DUSP16: variants seen among roughly 807,000 people sequenced by gnomAD.
DUSP16 encodes dual specificity phosphatase 16, also known as dual specificity protein phosphatase 16.
In DUSP16, 21 loss-of-function variants were observed where a neutral mutation model predicts 58.3. The ratio of observed to expected loss-of-function variants is 0.36; its 90% CI spans 0.26 to 0.52. DUSP16 has a LOEUF of 0.52. Ranked by LOEUF, DUSP16 falls within the 20% of genes least tolerant of loss-of-function variation. The probability of loss-of-function intolerance (pLI) is 0.94; values close to 1 mark genes in which losing one functional copy is unlikely to be tolerated. For synonymous variants in DUSP16, 320 were observed against 323.8 expected, an observed-to-expected ratio of 0.99 and a Z score of 0.12; for missense variants, 726 against 819.0, an observed-to-expected ratio of 0.89 and a Z score of 1.39.
intron 1 of DUSP16, among the ~76,000 whole-genome samples, chr12:12,523,246 C>T (rs890861832): frequency 1.8e-4 from 27 of 152,240 alleles, no homozygotes; most frequent in African/African-American, 5.3e-4. Context: ...CAAATTTGGT[C>T]TGAGAACAAA....
chr12:12,516,235 G>C (rs1944151334), intron 3 of DUSP16, among the ~76,000 whole-genome samples: 1 of 151,994 alleles, frequency 6.6e-6, no homozygotes, highest in Non-Finnish European at 1.5e-5. Context: ...GAACTCCTGG[G>C]CTCAAGCAAT....
intron 1 of DUSP16, among the ~76,000 whole-genome samples, chr12:12,528,829 G>GA (rs1324933857): frequency 1.3e-5 from 2 of 148,194 alleles, no homozygotes; most frequent in East Asian, 1.9e-4. Flanking sequence ...GAACTAGGGA[G>GA]AAAAAATAGA....
intron 1 of DUSP16, among the ~76,000 whole-genome samples, chr12:12,527,645 A>C (rs1944324950): frequency 6.6e-6 from 1 of 152,348 alleles, no homozygotes; most frequent in East Asian, 1.9e-4. Flanking sequence ...AGTATAAAAC[A>C]AAGTAAAACT....
At chr12:12,478,224 C>A (rs950072478) in intron 6 of DUSP16, among the ~76,000 whole-genome samples, 1 of 152,166 alleles carries the variant, frequency 6.6e-6, no homozygotes, top group Middle Eastern at 3.4e-3. Flanking sequence ...TGGAGTATGC[C>A]AGAAGAGGCA....
At position 12,477,257 on chromosome 12, in the gene DUSP16, T is replaced by G; in HGVS notation, c.1574A>C (p.Gln525Pro). The G allele has an allele frequency of 6.2e-7, 1 of 1,614,238 alleles. No homozygotes were observed. Among genetic ancestry groups the G allele is most frequent in the Non-Finnish European group, 8.5e-7 (1 of 1,180,050 alleles). ...GCCAGCAGACTTCGTGAGGTGCTGC[T>G]GGCTGGTGGAAAGGCCGAAAAGGAA... Reference protein sequence around the residue: ...TSFLFGLSTSQQHLTKSAGLG... With the variant: ...TSFLFGLSTSPQHLTKSAGLG... The change falls in exon 7 of 7, where the codon CAG becomes CCG. Residue 525 changes from glutamine to proline, a missense_variant. Gln to Pro is a moderately conservative substitution (Grantham distance 76). Coordinates refer to ENST00000298573, the MANE Select transcript of DUSP16 (RefSeq NM_030640.3). The surrounding 1 kb of genome is among the most constrained non-coding windows in gnomAD (Gnocchi z 4.1).
At chr12:12,494,748 G>T (rs980505640) in intron 4 of DUSP16, among the ~76,000 whole-genome samples, 2 of 152,150 alleles carry the variant, frequency 1.3e-5, no homozygotes, top group South Asian at 4.1e-4. Flanking sequence ...GAGAACAGGA[G>T]AGGTAAGAAC....
intron 1 of DUSP16, among the ~76,000 whole-genome samples, chr12:12,547,447 C>A (rs199561603): frequency 0.16 from 10,385 of 65,784 alleles, 1,007 homozygotes; most frequent in African/African-American, 0.32. Flanking sequence ...AACAAACAAA[C>A]AAAAAAAAGC....
At position 12,520,023 on chromosome 12, in the gene DUSP16, G is replaced by T. The variant is rs777312429; in HGVS notation, c.229-23C>A. On this transcript the variant is annotated intron_variant, in intron 2 of 6. Coordinates refer to ENST00000298573, the MANE Select transcript of DUSP16 (RefSeq NM_030640.3). The stretch of plus-strand genomic sequence containing the variant: ...AACCTGAAATGCAAACATGAGGCTT[G>T]TTAGGAAGAAGGTGAGAAAAGTAAT... 7 of 1,613,578 alleles carry T rather than the reference G, an allele frequency of 4.3e-6. No individual in the cohort carries two copies. In the South Asian group the frequency reaches 7.7e-5, roughly 18 times the overall value.
In DUSP16 at chr12:12,520,880, C is replaced by T. The variant is rs777073328; in HGVS notation, c.219G>A (p.Ala73=). Residue 73 remains alanine, a synonymous_variant, in exon 2 of 7, where the codon GCG becomes GCA. Coordinates refer to ENST00000298573, the MANE Select transcript of DUSP16 (RefSeq NM_030640.3). ...VLITELIQHS[A]KHKVDIDCSQ... is the part of the protein sequence containing the mutation. ...AAAGGAAAGCGTTTACCTTATGTTTCGCTGAATGCTGGATGAGCTCTGTAA... is the reference window on the plus strand; with the variant it reads ...AAAGGAAAGCGTTTACCTTATGTTTTGCTGAATGCTGGATGAGCTCTGTAA... 9.9e-6 allele frequency: 16 copies of T among 1,614,048 alleles called. No homozygotes were observed. Among genetic ancestry groups the T allele is most frequent in the South Asian group, 7.7e-5 (7 of 91,084 alleles).
Position 12,474,466 on chromosome 12 carries a change from CCT to C in DUSP16, c.*2365_*2366del, listed in dbSNP as rs944529668. 28 of 152,408 alleles carry C rather than the reference CCT, an allele frequency of 1.8e-4. No homozygotes were observed. The highest frequency in any genetic ancestry group is 6.7e-4 in the African/African-American group (28 of 41,568). 9.4% of individuals were successfully genotyped at this position (152,408 alleles called of 1,614,324 possible). A position where few individuals can be genotyped will look rare whatever the true frequency, so the allele number is the denominator to read the frequency against. ...CTTTAAAATCACCATCTGTATCACCCCTAGTAGACGCGAGGGTTTCCCCAATT... is the reference window on the plus strand; with the variant it reads ...CTTTAAAATCACCATCTGTATCACCCAGTAGACGCGAGGGTTTCCCCAATT... On this transcript the variant is annotated 3_prime_UTR_variant, in exon 7 of 7. Transcript: ENST00000298573.
chr12:12,486,481 A>AGTGTGTGTGTGTGTGTGT (rs56941943), intron 5 of DUSP16, among the ~76,000 whole-genome samples: 2 of 147,262 alleles, frequency 1.4e-5, no homozygotes, highest in East Asian at 2.0e-4. Context: ...ACCAAATGAG[A>AGTGTGTGTGTGTGTGTGT]GTGTGTGTGT....
At chr12:12,486,998 A>G in intron 5 of DUSP16, 30 bp downstream of exon 5, 1 of 1,611,696 alleles carries the variant, frequency 6.2e-7, no homozygotes, top group Non-Finnish European at 8.5e-7. Context: ...GATCACCCAC[A>G]GGACCTGCAA....
In DUSP16 at chr12:12,481,209, A is replaced by G. The variant is rs73289701; in HGVS notation, c.692-863T>C. On this transcript the variant is annotated intron_variant, in intron 5 of 6. Transcript: ENST00000298573. ...TGGCATTATCTCAATTCCCCACAAC[A>G]TGATGGAAGGACTCACGGACACTTT... Among the ~76,000 whole-genome samples, 438 of 152,274 alleles carry G rather than the reference A, an allele frequency of 2.9e-3. 2 individuals are homozygous for G. The highest frequency in any genetic ancestry group is 0.01 in the African/African-American group (416 of 41,564).
chr12:12,553,766 C>A lies in DUSP16; in HGVS notation c.-366+8351G>T, dbSNP rs191329870. 3.0e-4 allele frequency among the ~76,000 whole-genome samples: 46 copies of A among 152,250 alleles called. 1 individual carries two copies. The East Asian group carries it at 8.9e-3, about 29-fold the overall frequency. On this transcript the variant is annotated intron_variant, in intron 1 of 6. Coordinates refer to ENST00000298573, the MANE Select transcript of DUSP16 (RefSeq NM_030640.3). ...ACCATGTTGCCCAGGCTGGTCTACTCCTGACCTCAAGTGATCCGCCCACCT... is the reference window on the plus strand; with the variant it reads ...ACCATGTTGCCCAGGCTGGTCTACTACTGACCTCAAGTGATCCGCCCACCT...
chr12:12,486,481 A>AGTGTGTGTGTGT lies in DUSP16; in HGVS notation c.691+535_691+546dup, dbSNP rs56941943. Among the ~76,000 whole-genome samples, 116 of 147,370 alleles carry AGTGTGTGTGTGT rather than the reference A, an allele frequency of 7.9e-4. 1 individual carries two copies. The highest frequency in any genetic ancestry group is 1.1e-3 in the Admixed American group (16 of 14,800). On this transcript the variant is annotated intron_variant, in intron 5 of 6. Coordinates refer to ENST00000298573, the MANE Select transcript of DUSP16 (RefSeq NM_030640.3). ...ATTGCCAGGAAAATAACCAAATGAG[A>AGTGTGTGTGTGT]GTGTGTGTGTGTGTGTGTGTGTGTG...
chr12:12,544,205 C>T (rs1365803274), intron 1 of DUSP16, among the ~76,000 whole-genome samples: 1 of 152,122 alleles, frequency 6.6e-6, no homozygotes, highest in Non-Finnish European at 1.5e-5. Flanking sequence ...TATACCATGG[C>T]TGAGTTTTGC....
chr12:12,500,800 C>A, intron 3 of DUSP16, 118 bp from the exon 4 acceptor site: 2 of 904,344 alleles, frequency 2.2e-6, no homozygotes, highest in Middle Eastern at 7.0e-4. Flanking sequence ...TCACTGCACA[C>A]CTATTCCTGG....
chr12:12,542,627 A>C (rs1944581619), intron 1 of DUSP16, among the ~76,000 whole-genome samples: 1 of 152,168 alleles, frequency 6.6e-6, no homozygotes, highest in African/African-American at 2.4e-5. Flanking sequence ...TACGACTGAA[A>C]TTATATCTCA....
intron 1 of DUSP16, among the ~76,000 whole-genome samples, chr12:12,531,734 G>A (rs918146669): frequency 6.6e-6 from 1 of 152,032 alleles, no homozygotes; most frequent in African/African-American, 2.4e-5. Flanking sequence ...CACCAGATGT[G>A]GTGGCATGGG....
Sources: allele counts gnomAD v4.1 joint callset (sites outside exome capture counted in the v4.1 genomes callset), GRCh38; gene constraint gnomAD v4.1.1; non-coding constraint Gnocchi (gnomAD v3.1); transcripts MANE v1.5; gene names NCBI Gene and HGNC (gene_info 2026-07-23, HGNC 2026-07-21).